The following RNF185 variants were observed in gnomAD, a reference collection of about 807,000 sequenced individuals.
RNF185 encodes the protein ring finger protein 185.
In RNF185, 13 loss-of-function variants were observed where a neutral mutation model predicts 24.9. That is an observed-to-expected ratio of 0.52 (90% confidence interval 0.34 to 0.83). The LOEUF (loss-of-function observed/expected upper bound fraction) is 0.83, where lower values mean the gene tolerates loss of function less well. Among genes scored for constraint, RNF185 ranks in the 40% least tolerant of loss-of-function variants. The pLI, the probability that RNF185 is intolerant of heterozygous loss-of-function variation, is 0.01. For missense variants in RNF185, 184 were observed against 244.7 expected, an observed-to-expected ratio of 0.75 and a Z score of 1.65; for synonymous variants, 79 against 90.3, an observed-to-expected ratio of 0.88 and a Z score of 0.71.
intron 3 of RNF185, among the ~76,000 whole-genome samples, chr22:31,195,014 G>A (rs978397110): frequency 2.6e-5 from 4 of 151,974 alleles, no homozygotes; most frequent in Non-Finnish European, 5.9e-5. Context: ...ATGCAGTGGT[G>A]CAATCTCGGC....
intron 1 of RNF185, among the ~76,000 whole-genome samples, chr22:31,164,345 A>G (rs1254366126): frequency 2.0e-5 from 3 of 152,226 alleles, no homozygotes; most frequent in Admixed American, 6.5e-5. Flanking sequence ...AACTTTCTGT[A>G]TATCTGTCAT....
chr22:31,167,669 A>G (rs140926173), intron 1 of RNF185, among the ~76,000 whole-genome samples: 483 of 129,488 alleles, frequency 3.7e-3, no homozygotes, highest in Non-Finnish European at 5.9e-3. Flanking sequence ...GGCTGAGTGC[A>G]GTGGTGTCAT....
intron 4 of RNF185, among the ~76,000 whole-genome samples, chr22:31,196,493 C>A (rs2048207244): frequency 6.6e-6 from 1 of 152,092 alleles, no homozygotes; most frequent in South Asian, 2.1e-4. Flanking sequence ...TGGGTATTTG[C>A]CCAAGAATAG....
chr22:31,162,115 TAG>T (rs752035973), intron 1 of RNF185, among the ~76,000 whole-genome samples: 1 of 152,286 alleles, frequency 6.6e-6, no homozygotes, highest in Non-Finnish European at 1.5e-5. Flanking sequence ...CAACACCTGC[TAG>T]AATGCTTAGG....
intron 1 of RNF185, among the ~76,000 whole-genome samples, chr22:31,177,324 G>C (rs2047992858): frequency 6.6e-6 from 1 of 151,772 alleles, no homozygotes; most frequent in South Asian, 2.1e-4. Context: ...TATCTACTAA[G>C]TAGATAGGAA....
intron 1 of RNF185, among the ~76,000 whole-genome samples, chr22:31,177,950 C>T (rs1045599055): frequency 1.3e-5 from 2 of 152,154 alleles, no homozygotes; most frequent in East Asian, 1.9e-4. Context: ...ATTCAACTCT[C>T]GTGTTCTCTT....
intron 1 of RNF185, among the ~76,000 whole-genome samples, chr22:31,183,687 A>G (rs2048062950): frequency 6.6e-6 from 1 of 152,158 alleles, no homozygotes; most frequent in South Asian, 2.1e-4. Context: ...TGTTTCAGAG[A>G]GCAGGGGTTG....
chr22:31,173,342 A>G (rs1182899162), intron 1 of RNF185, among the ~76,000 whole-genome samples: 2 of 151,802 alleles, frequency 1.3e-5, no homozygotes, highest in Non-Finnish European at 2.9e-5. Context: ...CCACAACTCT[A>G]GTTGGCTATA....
intron 1 of RNF185, among the ~76,000 whole-genome samples, chr22:31,183,505 TG>T (rs2048060266): frequency 6.6e-6 from 1 of 152,136 alleles, no homozygotes; most frequent in African/African-American, 2.4e-5. Flanking sequence ...CAAAGGTCTC[TG>T]GTTTTCCTAG....
chr22:31,189,135 ATGTGTGTG>A (rs202051750), intron 2 of RNF185, among the ~76,000 whole-genome samples: 6 of 136,872 alleles, frequency 4.4e-5, no homozygotes, highest in Non-Finnish European at 7.8e-5. Flanking sequence ...CAAAAAAAAA[ATGTGTGTG>A]TGTGTGTGTG....
At chr22:31,193,275 G>A (rs1453716596) in intron 3 of RNF185, among the ~76,000 whole-genome samples, 1 of 152,202 alleles carries the variant, frequency 6.6e-6, no homozygotes, top group African/African-American at 2.4e-5. Context: ...AGAAGTTCCA[G>A]ACTGCTAAAG....
intron 6 of RNF185, 113 bp downstream of exon 6, chr22:31,201,728 C>T (rs569513457): frequency 4.0e-6 from 3 of 753,944 alleles, no homozygotes; most frequent in Non-Finnish European, 6.7e-6. Context: ...CATGGATAAT[C>T]AGCCTTTTCA....
intron 1 of RNF185, among the ~76,000 whole-genome samples, chr22:31,163,893 C>T (rs968398469): frequency 2.0e-5 from 3 of 151,804 alleles, no homozygotes; most frequent in African/African-American, 7.2e-5. Context: ...AGGATGGTCT[C>T]AATCTCCTGA....
At chr22:31,190,827 C>T (rs1890565968) in intron 2 of RNF185, among the ~76,000 whole-genome samples, 1 of 151,526 alleles carries the variant, frequency 6.6e-6, no homozygotes, top group Non-Finnish European at 1.5e-5. Context: ...TGGTCTCGAA[C>T]TCCTGACCTC....
In RNF185 at chr22:31,205,067, G is replaced by A. The variant is rs2048301954; in HGVS notation, c.*481G>A. 2 of 179,386 alleles carry A rather than the reference G, an allele frequency of 1.1e-5. No individual in the cohort carries two copies. The highest frequency in any genetic ancestry group is 2.8e-5 in the Non-Finnish European group (2 of 72,634). 11.1% of individuals were successfully genotyped at this position (179,386 alleles called of 1,614,324 possible). A position where few individuals can be genotyped will look rare whatever the true frequency, so the allele number is the denominator to read the frequency against. ...AGAGAGGTTCCCCTTTCAAATCCCA[G>A]TGCCGCTCTGTTCTCTTTCCTTCCC... On this transcript the variant is annotated 3_prime_UTR_variant, in exon 7 of 7. Transcript: ENST00000326132.
chr22:31,196,700 A>G (rs1258064251), intron 4 of RNF185, among the ~76,000 whole-genome samples: 1 of 152,246 alleles, frequency 6.6e-6, no homozygotes, highest in East Asian at 1.9e-4. Context: ...CTGTAGTGCA[A>G]TCTGGTGAAT....
intron 2 of RNF185, 123 bp from the exon 3 acceptor site, chr22:31,192,561 C>G: frequency 1.2e-6 from 1 of 815,646 alleles, no homozygotes; most frequent in South Asian, 1.4e-5. Flanking sequence ...ATAGTTTACT[C>G]CTGTTTTCTC....
At chr22:31,174,458 C>G (rs2047961981) in intron 1 of RNF185, among the ~76,000 whole-genome samples, 1 of 152,140 alleles carries the variant, frequency 6.6e-6, no homozygotes, top group Non-Finnish European at 1.5e-5. Flanking sequence ...TCGCTCACTG[C>G]AGCCTTGAGC....
At chr22:31,183,923 C>A (rs1185498602) in intron 1 of RNF185, among the ~76,000 whole-genome samples, 1 of 71,194 alleles carries the variant, frequency 1.4e-5, no homozygotes, top group Admixed American at 1.9e-4. Flanking sequence ...GGGTGGCGGC[C>A]GGGCAGAGGG....
Sources: gnomAD v4.1 joint callset for allele counts (sites outside exome capture counted in the v4.1 genomes callset) on GRCh38, gnomAD v4.1.1 for gene constraint, MANE v1.5 for transcripts, NCBI Gene and HGNC (gene_info 2026-07-23, HGNC 2026-07-21) for gene names.